The following POU6F2 variants were observed in gnomAD, a reference collection of about 807,000 sequenced individuals.
The protein encoded by POU6F2 is POU class 6 homeobox 2.
In POU6F2, 31 loss-of-function variants were observed where a neutral mutation model predicts 71.3. That is an observed-to-expected ratio of 0.43 (90% CI 0.33 to 0.59). The LOEUF (loss-of-function observed/expected upper bound fraction) is 0.59. Ranked by LOEUF, POU6F2 falls within the 20% of genes least tolerant of loss-of-function variation. The pLI is 0.04. For synonymous variants in POU6F2, 347 were observed against 355.7 expected, an observed-to-expected ratio of 0.98 and a Z score of 0.27; for missense variants, 783 against 856.8, an observed-to-expected ratio of 0.91 and a Z score of 1.07.
intron 4 of POU6F2, among the ~76,000 whole-genome samples, chr7:39,265,974 G>A (rs182099839): frequency 9.9e-5 from 15 of 152,234 alleles, no homozygotes; most frequent in Admixed American, 6.5e-4. Flanking sequence ...TTCAAAGTCC[G>A]TACATTTTCT....
chr7:39,405,295 GAAAT>G (rs1382153552), intron 5 of POU6F2, among the ~76,000 whole-genome samples: 1 of 151,962 alleles, frequency 6.6e-6, no homozygotes, highest in East Asian at 1.9e-4. Flanking sequence ...AATTTCCAAA[GAAAT>G]TAAGAAATAA....
At chr7:39,090,494 T>C (rs1454276592) in intron 2 of POU6F2, among the ~76,000 whole-genome samples, 1 of 152,132 alleles carries the variant, frequency 6.6e-6, no homozygotes, top group East Asian at 1.9e-4. Context: ...GCCTTCATTA[T>C]GGGATCACTG....
chr7:39,216,275 A>G (rs1373994053), intron 4 of POU6F2, among the ~76,000 whole-genome samples: 1 of 152,244 alleles, frequency 6.6e-6, no homozygotes, highest in Middle Eastern at 3.2e-3. Context: ...CTGAGATTCT[A>G]GAATTCTATT....
chr7:39,104,140 A>G (rs938896651), intron 2 of POU6F2, among the ~76,000 whole-genome samples: 1 of 152,232 alleles, frequency 6.6e-6, no homozygotes, highest in African/African-American at 2.4e-5. Flanking sequence ...CACCAGCTCT[A>G]TGCTCCTCTG....
rs144488464 is a variant in POU6F2, at chr7:39,433,190, G to A, written c.1227G>A (p.Gln409=). ...CCCCCCAGCTCCTCACAAACGCCCA[G>A]GGCCAGATCATCGCCACAGTCATTG... ...PITPQLLTNA[Q]GQIIATVIGN... is the part of the protein sequence containing the mutation. The change falls in exon 7 of 10, where the codon CAG becomes CAA. Residue 409 remains glutamine (Q), a synonymous_variant. Coordinates refer to ENST00000518318, the MANE Select transcript of POU6F2 (RefSeq NM_001370959.1). The A allele has an allele frequency of 4.8e-5, 77 of 1,613,750 alleles. No individual in the cohort carries two copies. The highest frequency in any genetic ancestry group is 6.7e-5 in the Admixed American group (4 of 59,988).
chr7:39,143,228 C>T (rs569678504), intron 2 of POU6F2, among the ~76,000 whole-genome samples: 62 of 152,284 alleles, frequency 4.1e-4, no homozygotes, highest in Non-Finnish European at 7.3e-4. Context: ...AAGAGGCTGC[C>T]AAAGGACCTA....
At chr7:39,243,140 C>CA (rs1338494760) in intron 4 of POU6F2, among the ~76,000 whole-genome samples, 1 of 152,152 alleles carries the variant, frequency 6.6e-6, no homozygotes, top group Non-Finnish European at 1.5e-5. Flanking sequence ...AAACTCTTCT[C>CA]AATAACACAT....
chr7:39,304,171 A>C (rs1301748379), intron 4 of POU6F2, among the ~76,000 whole-genome samples: 1 of 152,240 alleles, frequency 6.6e-6, no homozygotes, highest in African/African-American at 2.4e-5. Flanking sequence ...AAGATAAAAA[A>C]CAAACTGAGA....
chr7:39,403,165 C>T (rs1355107018), intron 5 of POU6F2, among the ~76,000 whole-genome samples: 1 of 152,110 alleles, frequency 6.6e-6, no homozygotes, highest in Non-Finnish European at 1.5e-5. Flanking sequence ...GGCTTGGAGC[C>T]CTTCCTCACT....
intron 4 of POU6F2, among the ~76,000 whole-genome samples, chr7:39,230,626 C>T (rs2128749952): frequency 6.6e-6 from 1 of 152,224 alleles, no homozygotes; most frequent in African/African-American, 2.4e-5. Flanking sequence ...GTCTCCTTCC[C>T]ATAGCAATAG....
chr7:39,338,179 G>A (rs940464120), intron 4 of POU6F2, among the ~76,000 whole-genome samples: 14 of 152,326 alleles, frequency 9.2e-5, no homozygotes, highest in Middle Eastern at 6.8e-3. Context: ...TCCACCAGAA[G>A]AAGAGATCAG....
intron 5 of POU6F2, among the ~76,000 whole-genome samples, chr7:39,343,724 A>C (rs2329390): frequency 2.0e-5 from 3 of 151,912 alleles, no homozygotes; most frequent in Non-Finnish European, 4.4e-5. Flanking sequence ...CAACTAACTC[A>C]TAACTTTGGA....
At chr7:39,066,724 CCT>C (rs1790761209) in intron 1 of POU6F2, among the ~76,000 whole-genome samples, 1 of 150,790 alleles carries the variant, frequency 6.6e-6, no homozygotes, top group Admixed American at 6.6e-5. Context: ...TTATTCCCCC[CCT>C]TTTTATTTTA....
rs2128720915 is a variant in POU6F2 at position 39,085,941 on chromosome 7, A to G, written c.187A>G (p.Lys63Glu). 1 of 1,613,696 alleles carries G rather than the reference A, an allele frequency of 6.2e-7. No homozygotes were observed. The highest frequency in any genetic ancestry group is 1.1e-5 in the South Asian group (1 of 91,052). The change falls in exon 2 of 10, where the codon AAG (lysine) becomes GAG (glutamate). Residue 63 changes from lysine to glutamate, a missense_variant. Transcript: ENST00000518318. ...GAATGCGGAGTTGAGAGGTGAGGAC[A>G]AGGCTGCTACTTCAGACAGCGAGCT... is the stretch of plus-strand genomic sequence containing the variant. ...EMNAELRGED[K>E]AATSDSELNE... is the part of the protein sequence containing the mutation.
At chr7:39,066,630 T>C (rs76828386) in intron 1 of POU6F2, among the ~76,000 whole-genome samples, 2 of 151,302 alleles carry the variant, frequency 1.3e-5, no homozygotes, top group African/African-American at 4.8e-5. Context: ...AATGACAACA[T>C]CTTCCTGATA....
At chr7:39,412,398 C>A (rs1787567672) in intron 6 of POU6F2, among the ~76,000 whole-genome samples, 1 of 152,142 alleles carries the variant, frequency 6.6e-6, no homozygotes, top group Non-Finnish European at 1.5e-5. Context: ...GTAGTAAATG[C>A]AAATCTCAGC....
chr7:39,098,177 T>C (rs1407892581), intron 2 of POU6F2, among the ~76,000 whole-genome samples: 2 of 152,086 alleles, frequency 1.3e-5, no homozygotes, highest in Admixed American at 6.5e-5. Context: ...TTGTTTGTCT[T>C]ATATATTTTT....
At chr7:39,084,774 C>T (rs929173019) in intron 1 of POU6F2, among the ~76,000 whole-genome samples, 4 of 152,090 alleles carry the variant, frequency 2.6e-5, no homozygotes, top group East Asian at 1.9e-4. Flanking sequence ...GGGAGCATGC[C>T]GCCCCACCTG....
chr7:39,231,053 T>C (rs1794565279), intron 4 of POU6F2, among the ~76,000 whole-genome samples: 1 of 152,120 alleles, frequency 6.6e-6, no homozygotes, highest in South Asian at 2.1e-4. Flanking sequence ...TGCAGCTAAA[T>C]ACCCTGTGAG....
Sources: allele counts gnomAD v4.1 joint callset (sites outside exome capture counted in the v4.1 genomes callset), GRCh38; gene constraint gnomAD v4.1.1; transcripts MANE v1.5; gene names NCBI Gene and HGNC (gene_info 2026-07-23, HGNC 2026-07-21).